Variants in CRACD observed in about 807,000 individuals in gnomAD.
The protein encoded by CRACD is capping protein-inhibiting regulator of actin dynamics.
CRACD carries 56 observed loss-of-function variants against 106.8 expected under a neutral mutation model. That is an observed-to-expected ratio of 0.52 (90% CI 0.42 to 0.66). CRACD has a LOEUF of 0.66. Among genes scored for constraint, CRACD ranks in the 30% least tolerant of loss-of-function variants. The pLI is 0.00. For synonymous variants in CRACD, 754 were observed against 670.8 expected (o/e 1.12, Z -1.92); for missense variants, 1,730 against 1,623.2 (o/e 1.07, Z -1.13).
chr4:56,062,163 C>T (rs939411239), intron 1 of CRACD, among the ~76,000 whole-genome samples: 3 of 152,166 alleles, frequency 2.0e-5, no homozygotes, highest in African/African-American at 7.2e-5. Context: ...AGATTTAAGG[C>T]AGTTGTTCAA....
chr4:56,308,827 G>A, intron 5 of CRACD: 1 of 1,286,538 alleles, frequency 7.8e-7, no homozygotes. Flanking sequence ...TCGCCTTGGT[G>A]CAGGGGTATC....
At chr4:56,279,941 C>T (rs1211735167) in intron 3 of CRACD, among the ~76,000 whole-genome samples, 3 of 151,894 alleles carry the variant, frequency 2.0e-5, no homozygotes, top group Admixed American at 1.3e-4. Context: ...GGCACATATA[C>T]ACCATGGAAT....
intron 1 of CRACD, among the ~76,000 whole-genome samples, chr4:56,065,457 T>C (rs752501340): frequency 6.6e-6 from 1 of 152,110 alleles, no homozygotes; most frequent in East Asian, 1.9e-4. Context: ...TGTAGTTACT[T>C]GTTTGTGGGG....
chr4:56,124,410 T>G (rs1438073612), intron 1 of CRACD, among the ~76,000 whole-genome samples: 2 of 152,214 alleles, frequency 1.3e-5, no homozygotes, highest in Non-Finnish European at 2.9e-5. Context: ...TTCTAGACAT[T>G]ATATCATTTT....
chr4:56,257,591 A>G (rs1410283539), intron 2 of CRACD, among the ~76,000 whole-genome samples: 1 of 151,656 alleles, frequency 6.6e-6, no homozygotes, highest in South Asian at 2.1e-4. Context: ...GCTACTCCAG[A>G]GGCTGAGGTG....
intron 2 of CRACD, among the ~76,000 whole-genome samples, chr4:56,182,866 T>C (rs1330227741): frequency 3.6e-5 from 1 of 27,942 alleles, no homozygotes; most frequent in Non-Finnish European, 1.2e-4. Flanking sequence ...AAAAGATATG[T>C]GTGTGTGTGT....
chr4:56,073,334 G>A (rs1181948127), intron 1 of CRACD, among the ~76,000 whole-genome samples: 1 of 151,566 alleles, frequency 6.6e-6, no homozygotes, highest in Non-Finnish European at 1.5e-5. Context: ...TGTGGTTTTT[G>A]ATTTGCATTT....
chr4:56,115,634 A>T (rs181246366), intron 1 of CRACD, among the ~76,000 whole-genome samples: 87 of 152,298 alleles, frequency 5.7e-4, no homozygotes, highest in African/African-American at 2.1e-3. Context: ...AGGTTACAGT[A>T]ATGAAGCATA....
rs565955897 is a variant in CRACD, at chr4:56,315,694, G to A, written c.2192G>A (p.Gly731Asp). The A allele has an allele frequency of 6.2e-6, 10 of 1,614,204 alleles. No homozygotes were observed. The Admixed American group carries it at 1.5e-4, about 24-fold the overall frequency. ...CCTGCCTGGCAGAAATTTTCCGATGGTGGCACGGAGACCTCCAAACAGAGC... is the reference window on the plus strand; with the variant it reads ...CCTGCCTGGCAGAAATTTTCCGATGATGGCACGGAGACCTCCAAACAGAGC... Reference protein sequence around the residue: ...IMPAWQKFSDGGTETSKQSTE... With the variant: ...IMPAWQKFSDDGTETSKQSTE... Residue 731 changes from glycine to aspartate, a missense_variant, in exon 8 of 11, where the codon GGT (glycine) becomes GAT (aspartate). Coordinates refer to ENST00000682029, the MANE Select transcript of CRACD (RefSeq NM_001393381.1). This position sits in a 1 kb window ranked among gnomAD's most constrained non-coding sequence, Gnocchi z 4.1.
intron 2 of CRACD, among the ~76,000 whole-genome samples, chr4:56,266,650 C>G (rs1742038821): frequency 6.6e-6 from 1 of 152,188 alleles, no homozygotes; most frequent in Non-Finnish European, 1.5e-5. Context: ...CTTTTAGGCC[C>G]CATCTGTGTA....
At chr4:56,296,920 GTT>G (rs5858372) in intron 3 of CRACD, among the ~76,000 whole-genome samples, 25 of 131,624 alleles carry the variant, frequency 1.9e-4, no homozygotes, top group Non-Finnish European at 2.5e-4. Flanking sequence ...TTTTTTGTTT[GTT>G]TTTTTTTTTT....
At chr4:56,129,082 A>T (rs2109862955) in intron 1 of CRACD, among the ~76,000 whole-genome samples, 1 of 152,224 alleles carries the variant, frequency 6.6e-6, no homozygotes, top group East Asian at 1.9e-4. Flanking sequence ...ATTTAATTTT[A>T]AAAATGTCTT....
At chr4:56,062,624 G>A (rs957071008) in intron 1 of CRACD, among the ~76,000 whole-genome samples, 4 of 152,208 alleles carry the variant, frequency 2.6e-5, no homozygotes, top group African/African-American at 9.6e-5. Context: ...GGAAGCTAGA[G>A]TGGTAGACTG....
chr4:56,239,047 C>G (rs1740187015), intron 2 of CRACD, among the ~76,000 whole-genome samples: 1 of 152,150 alleles, frequency 6.6e-6, no homozygotes, highest in Admixed American at 6.5e-5. Context: ...AATCCCAGCA[C>G]TTTGGGAGGC....
At chr4:56,078,843 C>T (rs929837124) in intron 1 of CRACD, among the ~76,000 whole-genome samples, 7 of 152,186 alleles carry the variant, frequency 4.6e-5, no homozygotes, top group Admixed American at 4.6e-4. Context: ...TAAAGGGTGT[C>T]TCTTAGCCTG....
intron 2 of CRACD, among the ~76,000 whole-genome samples, chr4:56,252,355 T>C (rs1039387314): frequency 6.6e-6 from 1 of 152,054 alleles, no homozygotes; most frequent in Non-Finnish European, 1.5e-5. Flanking sequence ...TACCAGGGAT[T>C]TTTTTTTCCC....
chr4:56,275,876 G>T (rs1464279540), intron 3 of CRACD, among the ~76,000 whole-genome samples: 1 of 152,184 alleles, frequency 6.6e-6, no homozygotes, highest in Non-Finnish European at 1.5e-5. Context: ...GGGAGGCTTG[G>T]CATGTGCCCA....
chr4:56,268,799 C>G (rs1235998500), intron 2 of CRACD, among the ~76,000 whole-genome samples: 1 of 152,174 alleles, frequency 6.6e-6, no homozygotes, highest in Non-Finnish European at 1.5e-5. Flanking sequence ...TAAGGACATT[C>G]TTTTAACACA....
At chr4:56,324,076 T>C (rs2292983) in intron 9 of CRACD, 28 bp from the exon 10 acceptor site, 175,775 of 1,578,152 alleles carry the variant, frequency 0.11, 13,550 homozygotes, top group East Asian at 0.44. Flanking sequence ...TGAAAACATG[T>C]TTCCCATGAC....
Sources: allele counts gnomAD v4.1 joint callset (sites outside exome capture counted in the v4.1 genomes callset), GRCh38; gene constraint gnomAD v4.1.1; non-coding constraint Gnocchi (gnomAD v3.1); transcripts MANE v1.5; gene names NCBI Gene and HGNC (gene_info 2026-07-23, HGNC 2026-07-21).